Variants in CENPP observed in about 807,000 individuals in gnomAD.
CENPP encodes the protein centromere protein P.
CENPP carries 24 observed loss-of-function variants against 35.6 expected under a neutral mutation model. The observed-to-expected ratio is 0.67, with a 90% CI of 0.49 to 0.95. CENPP has a LOEUF of 0.95. Ranked by LOEUF, CENPP falls within the 40% of genes least tolerant of loss-of-function variation. CENPP has a pLI of 0.00. For missense variants in CENPP, 332 were observed against 345.3 expected (o/e 0.96, Z 0.31); for synonymous variants, 120 against 125.5 (o/e 0.96, Z 0.29).
chr9:92,329,723 TTGTGTGTG>T (rs113846007), intron 1 of CENPP, among the ~76,000 whole-genome samples: 1 of 150,862 alleles, frequency 6.6e-6, no homozygotes, highest in African/African-American at 2.4e-5. Flanking sequence ...CCAGATAATT[TTGTGTGTG>T]TGTGTGTGTG....
rs528732461 is a variant in CENPP, at chr9:92,422,297, G to A, written c.564+42438G>A. Among the ~76,000 whole-genome samples, 31 of 152,086 alleles carry A rather than the reference G, an allele frequency of 2.0e-4. 2 individuals are homozygous for A. In the East Asian group the frequency reaches 5.8e-3, roughly 28 times the overall value. ...TCGAACTCCTGACCTCAGGTGATCC[G>A]CCCACCTCAGCCTCCCAAAGTGCTG... On this transcript the variant is annotated intron_variant, in intron 5 of 7. Coordinates refer to ENST00000375587, the MANE Select transcript of CENPP (RefSeq NM_001012267.3).
intron 5 of CENPP, among the ~76,000 whole-genome samples, chr9:92,603,524 A>G (rs568990956): frequency 1.3e-5 from 2 of 152,086 alleles, no homozygotes; most frequent in Non-Finnish European, 2.9e-5. Flanking sequence ...TCCAACAGAC[A>G]TGTCTCTGCT....
intron 5 of CENPP, chr9:92,386,196 C>G: frequency 1.3e-6 from 2 of 1,581,442 alleles, no homozygotes; most frequent in Admixed American, 3.3e-5. Context: ...AAGGAACTAT[C>G]ATACCTGAAG....
chr9:92,512,579 G>A (rs1037848953), intron 5 of CENPP, among the ~76,000 whole-genome samples: 2 of 152,198 alleles, frequency 1.3e-5, no homozygotes, highest in African/African-American at 4.8e-5. Context: ...CTCTGAGCCT[G>A]TCTCCATCTC....
intron 4 of CENPP, among the ~76,000 whole-genome samples, chr9:92,372,387 T>C (rs1486638183): frequency 6.6e-6 from 1 of 152,150 alleles, no homozygotes; most frequent in Non-Finnish European, 1.5e-5. Context: ...GAGGCTTTGT[T>C]CCTGTCATAC....
rs1564024192 is a variant in CENPP at position 92,615,715 on chromosome 9, A to T, written c.*2566A>T. 1.3e-6 allele frequency: 1 copy of T among 765,234 alleles called. No individual in the cohort carries two copies. The highest frequency in any genetic ancestry group is 2.7e-5 in the East Asian group (1 of 37,566). 47.4% of individuals were successfully genotyped at this position (765,234 alleles called of 1,614,324 possible). On this transcript the variant is annotated 3_prime_UTR_variant, in exon 8 of 8. Transcript: ENST00000375587. ...TGTCTCCAAGAGGCAATCCCACCTC[A>T]AAAGGGGTTAAAAGCAAAAACATTC...
intron 4 of CENPP, among the ~76,000 whole-genome samples, chr9:92,378,764 T>C (rs907230645): frequency 1.3e-5 from 2 of 152,220 alleles, no homozygotes; most frequent in Non-Finnish European, 2.9e-5. Context: ...GAATTAAGAC[T>C]CATTCCTGTG....
intron 5 of CENPP, among the ~76,000 whole-genome samples, chr9:92,606,776 C>T (rs966608621): frequency 3.3e-5 from 5 of 151,988 alleles, no homozygotes; most frequent in Non-Finnish European, 5.9e-5. Context: ...TGGTGGCACG[C>T]GTCTGTAGTC....
At chr9:92,468,436 A>C (rs767199939) in intron 5 of CENPP, among the ~76,000 whole-genome samples, 7 of 152,172 alleles carry the variant, frequency 4.6e-5, no homozygotes, top group Non-Finnish European at 7.3e-5. Context: ...GCCATTCAGT[A>C]GTAGGACAGT....
intron 5 of CENPP, among the ~76,000 whole-genome samples, chr9:92,462,292 A>T (rs1845144212): frequency 6.6e-6 from 1 of 152,160 alleles, no homozygotes; most frequent in South Asian, 2.1e-4. Context: ...TCTTTCAATT[A>T]GCAGTAGTTT....
chr9:92,479,918 A>G (rs1396078632), intron 5 of CENPP, among the ~76,000 whole-genome samples: 5 of 152,218 alleles, frequency 3.3e-5, no homozygotes, highest in African/African-American at 1.2e-4. Flanking sequence ...CCAATAGGAA[A>G]ATAATGGAAT....
chr9:92,415,720 C>G (rs1225325376), intron 5 of CENPP, among the ~76,000 whole-genome samples: 2 of 148,676 alleles, frequency 1.3e-5, no homozygotes, highest in African/African-American at 4.9e-5. Flanking sequence ...CCTAGTAGAA[C>G]AATCTCAAAA....
chr9:92,400,094 T>C (rs1442475001), intron 5 of CENPP, among the ~76,000 whole-genome samples: 1 of 152,186 alleles, frequency 6.6e-6, no homozygotes, highest in African/African-American at 2.4e-5. Flanking sequence ...AGAACTGACA[T>C]CTTTATGATT....
intron 1 of CENPP, among the ~76,000 whole-genome samples, chr9:92,327,043 G>T (rs1840559711): frequency 6.6e-6 from 1 of 152,220 alleles, no homozygotes; most frequent in Admixed American, 6.5e-5. Context: ...ATGTATTAAA[G>T]ACCCTTGCTA....
chr9:92,351,913 C>G (rs1841456470), intron 4 of CENPP, among the ~76,000 whole-genome samples: 1 of 151,988 alleles, frequency 6.6e-6, no homozygotes, highest in Non-Finnish European at 1.5e-5. Context: ...GCGTGAGCCA[C>G]TGTGCCTGGC....
chr9:92,334,570 C>CT (rs1174691962), intron 2 of CENPP, among the ~76,000 whole-genome samples: 1 of 152,030 alleles, frequency 6.6e-6, no homozygotes, highest in Non-Finnish European at 1.5e-5. Flanking sequence ...AAAATGCACC[C>CT]TTACTCATTA....
intron 5 of CENPP, among the ~76,000 whole-genome samples, chr9:92,429,787 C>T (rs548220178): frequency 8.1e-6 from 1 of 123,340 alleles, no homozygotes; most frequent in Non-Finnish European, 1.6e-5. Context: ...AACTCCGTCT[C>T]AAAATCATCA....
At chr9:92,514,224 G>A (rs1313766326) in intron 5 of CENPP, among the ~76,000 whole-genome samples, 1 of 148,906 alleles carries the variant, frequency 6.7e-6, no homozygotes, top group Non-Finnish European at 1.5e-5. Flanking sequence ...AGCCTCCTGA[G>A]TAGCTGGGAC....
intron 5 of CENPP, chr9:92,385,670 G>A (rs139749001): frequency 1.2e-6 from 2 of 1,613,996 alleles, no homozygotes; most frequent in African/African-American, 2.7e-5. Context: ...AAACTGTTTG[G>A]ATGCTTTCCC....
Sources: gnomAD v4.1 joint callset for allele counts (sites outside exome capture counted in the v4.1 genomes callset) on GRCh38, gnomAD v4.1.1 for gene constraint, MANE v1.5 for transcripts, NCBI Gene and HGNC (gene_info 2026-07-23, HGNC 2026-07-21) for gene names.